The following GPR26 variants were observed in gnomAD, a reference collection of about 807,000 sequenced individuals.
The protein encoded by GPR26 is G protein-coupled receptor 26.
In GPR26, 15 loss-of-function variants were observed where a neutral mutation model predicts 23.1. That is an observed-to-expected ratio of 0.65 (90% CI 0.43 to 1.00). GPR26 has a LOEUF of 1.00. GPR26 is among the 50% of genes least tolerant of loss of function. GPR26 has a pLI of 0.00. For synonymous variants in GPR26, 228 were observed against 222.1 expected (o/e 1.03, Z -0.24); for missense variants, 359 against 470.5 (o/e 0.76, Z 2.19).
Position 123,690,023 on chromosome 10 carries a change from A to G in GPR26, c.*1863A>G, listed in dbSNP as rs1048816643. 7.9e-5 allele frequency: 12 copies of G among 152,148 alleles called. No homozygotes were observed. The highest frequency in any genetic ancestry group is 2.9e-4 in the African/African-American group (12 of 41,412). 9.4% of individuals were successfully genotyped at this position (152,148 alleles called of 1,614,324 possible). A position where few individuals can be genotyped will look rare whatever the true frequency, so the allele number is the denominator to read the frequency against. ...ACCATGAAAATCAGCAAGTGCTGTA[A>G]ATCAGGCCTTTTGCCCCACAGAGAG... On this transcript the variant is annotated 3_prime_UTR_variant, in exon 3 of 3. Transcript: ENST00000284674.
chr10:123,672,634 G>A (rs145976172), intron 1 of GPR26, among the ~76,000 whole-genome samples: 3 of 152,218 alleles, frequency 2.0e-5, no homozygotes, highest in Admixed American at 6.5e-5. Flanking sequence ...CTTCTGCAGT[G>A]GGGGGAGCTC....
intron 1 of GPR26, among the ~76,000 whole-genome samples, chr10:123,673,419 G>A (rs1254508938): frequency 6.6e-6 from 1 of 152,172 alleles, no homozygotes; most frequent in Admixed American, 6.5e-5. Flanking sequence ...TTGGAGCCAG[G>A]CCACTGCAGC....
intron 2 of GPR26, among the ~76,000 whole-genome samples, chr10:123,687,565 C>T (rs1286307922): frequency 3.3e-5 from 5 of 152,130 alleles, no homozygotes; most frequent in Admixed American, 1.3e-4. Context: ...CAGAGTCAGA[C>T]GGACCTAGGT....
chr10:123,688,612 TGGCCCGGA>T lies in GPR26; in HGVS notation c.*453_*460del. 5 of 194,172 alleles carry T rather than the reference TGGCCCGGA, an allele frequency of 2.6e-5. No individual in the cohort carries two copies. The highest frequency in any genetic ancestry group is 1.1e-4 in the South Asian group (1 of 9,266). The allele number at this position is 194,172 out of a possible 1,614,324, so 12.0% of individuals were successfully genotyped here. ...GAAAGGGAGGCTGGCAGTGGTCATT[TGGCCCGGA>T]TCTAACATGGCACCTCGTCTCCACA... On this transcript the variant is annotated 3_prime_UTR_variant, in exon 3 of 3. Transcript: ENST00000284674.
intron 2 of GPR26, among the ~76,000 whole-genome samples, chr10:123,685,905 G>A (rs992550421): frequency 4.6e-5 from 7 of 152,152 alleles, no homozygotes; most frequent in Non-Finnish European, 7.4e-5. Context: ...ATAATTGTAC[G>A]GTTAGAGATT....
chr10:123,681,951 T>C (rs926611205), intron 2 of GPR26, among the ~76,000 whole-genome samples: 3 of 152,196 alleles, frequency 2.0e-5, no homozygotes, highest in African/African-American at 7.2e-5. Context: ...TGAGATGAGT[T>C]GCTCAAAGAC....
rs751647403 is a variant in GPR26, at chr10:123,696,168, G to A, written c.*8008G>A. Reference sequence around the variant, plus strand: ...TCTGCCATAGTATGTCGTGTGTAGTGGATGCCAGTAGACAACTTTAGCCAC... The same window carrying A: ...TCTGCCATAGTATGTCGTGTGTAGTAGATGCCAGTAGACAACTTTAGCCAC... On this transcript the variant is annotated 3_prime_UTR_variant, in exon 3 of 3. Coordinates refer to ENST00000284674, the MANE Select transcript of GPR26 (RefSeq NM_153442.4). Among the ~76,000 whole-genome samples, 4 of 152,164 alleles carry A rather than the reference G, an allele frequency of 2.6e-5. No individual in the cohort carries two copies. Among genetic ancestry groups the A allele is most frequent in the Admixed American group, 6.5e-5 (1 of 15,284 alleles).
At chr10:123,667,821 G>A (rs546257700) in intron 1 of GPR26, among the ~76,000 whole-genome samples, 3 of 152,252 alleles carry the variant, frequency 2.0e-5, no homozygotes, top group South Asian at 4.1e-4. Flanking sequence ...AGATGGAGCT[G>A]GGCAAGCATG....
chr10:123,671,294 C>G (rs1157771893), intron 1 of GPR26, among the ~76,000 whole-genome samples: 2 of 152,204 alleles, frequency 1.3e-5, no homozygotes, highest in African/African-American at 4.8e-5. Flanking sequence ...ATGACTGGAG[C>G]CGCTGGGGAA....
intron 2 of GPR26, among the ~76,000 whole-genome samples, chr10:123,684,870 A>G (rs1589930175): frequency 6.6e-6 from 1 of 152,290 alleles, no homozygotes; most frequent in East Asian, 1.9e-4. Flanking sequence ...GGGAGATGCA[A>G]TTCAACCCTC....
chr10:123,674,021 G>C lies in GPR26; in HGVS notation c.669-797G>C, dbSNP rs369491260. On this transcript the variant is annotated intron_variant, in intron 1 of 2. Coordinates refer to ENST00000284674, the MANE Select transcript of GPR26 (RefSeq NM_153442.4). This position sits in a 1 kb window ranked among gnomAD's most constrained non-coding sequence, Gnocchi z 4.1. ...TGCCCAGGCTGAAGGGCAATGACAC[G>C]GTCTCAGCTCACTGCAACCTCTGCC... Among the ~76,000 whole-genome samples the C allele has an allele frequency of 2.6e-5, 4 of 151,906 alleles. No homozygotes were observed. The highest frequency in any genetic ancestry group is 7.3e-5 in the African/African-American group (3 of 41,314).
chr10:123,673,281 T>A (rs12248496), intron 1 of GPR26, among the ~76,000 whole-genome samples: 43,241 of 152,150 alleles, frequency 0.28, 6,339 homozygotes, highest in Non-Finnish European at 0.32. Flanking sequence ...AAAGGAGTTT[T>A]GATTAAGTAT....
chr10:123,680,890 A>G (rs1213283966), intron 2 of GPR26, among the ~76,000 whole-genome samples: 2 of 138,458 alleles, frequency 1.4e-5, no homozygotes, highest in Admixed American at 8.0e-5. Flanking sequence ...CCCAGGCTGG[A>G]GTGCAATAGT....
chr10:123,687,902 A>C, intron 2 of GPR26, 27 bp from the exon 3 acceptor site: 1 of 1,507,534 alleles, frequency 6.6e-7, no homozygotes, highest in Non-Finnish European at 9.2e-7. Flanking sequence ...CTATGTCCTC[A>C]TTAACAGCTT....
intron 1 of GPR26, among the ~76,000 whole-genome samples, chr10:123,672,669 G>A (rs1223337663): frequency 5.3e-5 from 8 of 152,222 alleles, no homozygotes; most frequent in Admixed American, 3.3e-4. Flanking sequence ...TGGTGCACAT[G>A]GCCCCAGAGT....
At chr10:123,670,546 G>T in intron 1 of GPR26, among the ~76,000 whole-genome samples, 1 of 152,184 alleles carries the variant, frequency 6.6e-6, no homozygotes, top group South Asian at 2.1e-4. Flanking sequence ...GACCGGCAAG[G>T]CTGGGTTCGC....
chr10:123,693,073 T>C lies in GPR26; in HGVS notation c.*4913T>C, dbSNP rs1339616296. ...GCCATTAGGAAACAGCCCCTTACTC[T>C]CAGCTCCTGTGCTAACACCCATACC... On this transcript the variant is annotated 3_prime_UTR_variant, in exon 3 of 3. Transcript: ENST00000284674. 1 of 152,214 alleles carries C rather than the reference T, an allele frequency of 6.6e-6. No homozygotes were observed. Among genetic ancestry groups the C allele is most frequent in the African/African-American group, 2.4e-5 (1 of 41,432 alleles). The allele number at this position is 152,214 out of a possible 1,614,324, so 9.4% of individuals were successfully genotyped here. A position where few individuals can be genotyped will look rare whatever the true frequency, so the allele number is the denominator to read the frequency against.
intron 2 of GPR26, among the ~76,000 whole-genome samples, chr10:123,682,325 A>G (rs1383055523): frequency 6.6e-6 from 1 of 152,020 alleles, no homozygotes; most frequent in African/African-American, 2.4e-5. Flanking sequence ...TGCAGTTGGC[A>G]TCTCAGAAAG....
chr10:123,673,902 T>C (rs1279126148), intron 1 of GPR26, among the ~76,000 whole-genome samples: 1 of 140,186 alleles, frequency 7.1e-6, no homozygotes, highest in Non-Finnish European at 1.5e-5. Flanking sequence ...TTTCTTCTTT[T>C]TTCTTCTTCT....
Sources: gnomAD v4.1 joint callset for allele counts (sites outside exome capture counted in the v4.1 genomes callset) on GRCh38, gnomAD v4.1.1 for gene constraint, Gnocchi (gnomAD v3.1) non-coding constraint, MANE v1.5 for transcripts, NCBI Gene and HGNC (gene_info 2026-07-23, HGNC 2026-07-21) for gene names.